Variants in CNTN5 observed in about 807,000 individuals in gnomAD.
CNTN5 encodes contactin-5.
CNTN5 carries 77 observed loss-of-function variants against 129.1 expected under a neutral mutation model. The ratio of observed to expected loss-of-function variants is 0.60; its 90% CI spans 0.50 to 0.72. CNTN5 has a LOEUF of 0.72. Ranked by LOEUF, CNTN5 falls within the 30% of genes least tolerant of loss-of-function variation. The probability of loss-of-function intolerance (pLI) is 0.00; values close to 1 mark genes in which losing one functional copy is unlikely to be tolerated. For missense variants in CNTN5, 1,478 were observed against 1,328.8 expected (o/e 1.11, Z -1.75); for synonymous variants, 509 against 465.6 (o/e 1.09, Z -1.20).
At chr11:100,173,502 A>G (rs1169595751) in intron 13 of CNTN5, among the ~76,000 whole-genome samples, 1 of 152,146 alleles carries the variant, frequency 6.6e-6, no homozygotes, top group African/African-American at 2.4e-5. Context: ...GTGGCAGGAA[A>G]GAAACCTACA....
At chr11:100,325,661 G>A (rs1951775026) in intron 21 of CNTN5, among the ~76,000 whole-genome samples, 1 of 152,098 alleles carries the variant, frequency 6.6e-6, no homozygotes, top group Admixed American at 6.5e-5. Context: ...GATTTCTTTG[G>A]GTTGTTTGAA....
At chr11:99,819,433 T>G (rs1946712742) in intron 3 of CNTN5, 111 bp from the exon 4 acceptor site, 1 of 844,996 alleles carries the variant, frequency 1.2e-6, no homozygotes, top group Non-Finnish European at 1.9e-6. Flanking sequence ...TGAATTTGCT[T>G]GCAGCTCCAA....
rs145379778 is a variant in CNTN5, at chr11:100,296,598, C to A, written c.2315-1027C>A. Among the ~76,000 whole-genome samples, 56 of 151,670 alleles carry A rather than the reference C, an allele frequency of 3.7e-4. 1 individual carries two copies. In the East Asian group the frequency reaches 0.01, roughly 28 times the overall value. On this transcript the variant is annotated intron_variant, in intron 18 of 24. Transcript: ENST00000524871. ...AACGATACTGAAACGTAGACCCTGA[C>A]AAAGGAAGGTTATTTATTTCAATGG...
intron 18 of CNTN5, among the ~76,000 whole-genome samples, chr11:100,281,458 C>A (rs1177115956): frequency 6.6e-6 from 1 of 152,116 alleles, no homozygotes; most frequent in Non-Finnish European, 1.5e-5. Flanking sequence ...TGCTGCCAGA[C>A]ATATTGGAGC....
At chr11:100,035,715 T>C (rs1418155138) in intron 9 of CNTN5, among the ~76,000 whole-genome samples, 3 of 150,098 alleles carry the variant, frequency 2.0e-5, no homozygotes, top group South Asian at 2.1e-4. Flanking sequence ...ATTTCTCTGA[T>C]GGCCAGTGAT....
intron 1 of CNTN5, among the ~76,000 whole-genome samples, chr11:99,046,115 G>A (rs1864195602): frequency 6.6e-6 from 1 of 152,126 alleles, no homozygotes; most frequent in Admixed American, 6.5e-5. Flanking sequence ...AAGGTGGGTG[G>A]ATTGCTTGGG....
intron 3 of CNTN5, among the ~76,000 whole-genome samples, chr11:99,774,066 T>C (rs1008718454): frequency 1.3e-5 from 2 of 152,028 alleles, no homozygotes; most frequent in African/African-American, 4.8e-5. Context: ...GATCACCAAT[T>C]TTAATCTCCT....
chr11:100,281,541 T>C (rs889609158), intron 18 of CNTN5, among the ~76,000 whole-genome samples: 3 of 152,170 alleles, frequency 2.0e-5, no homozygotes, highest in Non-Finnish European at 4.4e-5. Context: ...CTTTGGAAGT[T>C]TGATTATTAA....
intron 2 of CNTN5, among the ~76,000 whole-genome samples, chr11:99,356,537 CTTTTG>C (rs1938683893): frequency 6.6e-6 from 1 of 152,128 alleles, no homozygotes; most frequent in Non-Finnish European, 1.5e-5. Context: ...TCAACAAACA[CTTTTG>C]AACACCTACG....
At chr11:99,938,257 C>T (rs900993440) in intron 7 of CNTN5, among the ~76,000 whole-genome samples, 12 of 152,072 alleles carry the variant, frequency 7.9e-5, no homozygotes, top group African/African-American at 2.9e-4. Flanking sequence ...ATAAACCATA[C>T]CCATGTCTTG....
At chr11:99,806,588 C>G (rs893968000) in intron 3 of CNTN5, among the ~76,000 whole-genome samples, 1 of 152,094 alleles carries the variant, frequency 6.6e-6, no homozygotes, top group East Asian at 1.9e-4. Context: ...GTGGGCAGAT[C>G]ATGAGGTCAG....
chr11:99,352,488 A>G (rs1938365527), intron 2 of CNTN5, among the ~76,000 whole-genome samples: 3 of 152,182 alleles, frequency 2.0e-5, no homozygotes, highest in African/African-American at 7.2e-5. Flanking sequence ...TTTAATCATG[A>G]TGAGTCAAAC....
chr11:99,190,860 C>A (rs1340244804), intron 1 of CNTN5, among the ~76,000 whole-genome samples: 1 of 151,518 alleles, frequency 6.6e-6, no homozygotes, highest in Non-Finnish European at 1.5e-5. Context: ...ACTCCTCAAG[C>A]TAGAACATCT....
intron 3 of CNTN5, among the ~76,000 whole-genome samples, chr11:99,795,644 C>T (rs1319874653): frequency 2.8e-5 from 4 of 144,922 alleles, no homozygotes; most frequent in Non-Finnish European, 6.0e-5. Flanking sequence ...GACATTGTTA[C>T]CCTTTGGATC....
chr11:100,019,763 T>C (rs187027638), intron 9 of CNTN5, among the ~76,000 whole-genome samples: 1 of 152,102 alleles, frequency 6.6e-6, no homozygotes, highest in African/African-American at 2.4e-5. Flanking sequence ...GAAATCTTTA[T>C]AATCTTTTCC....
At chr11:99,121,984 T>C (rs1300474712) in intron 1 of CNTN5, among the ~76,000 whole-genome samples, 1 of 151,772 alleles carries the variant, frequency 6.6e-6, no homozygotes, top group Non-Finnish European at 1.5e-5. Context: ...CTTTTACATA[T>C]ATATATATTT....
chr11:100,002,158 AT>A lies in CNTN5; in HGVS notation c.980+24del, dbSNP rs1188806295. ...GCAAGTAAGTACATGTTCTTCCATA[AT>A]TAAACACAATTTTTTATTAAAATGT... is the stretch of plus-strand genomic sequence containing the variant. On this transcript the variant is annotated intron_variant, in intron 9 of 24. Transcript: ENST00000524871. The A allele has an allele frequency of 6.5e-6, 9 of 1,380,490 alleles. No homozygotes were observed. The African/African-American group carries it at 1.4e-4, about 21-fold the overall frequency. 85.5% of individuals were successfully genotyped at this position (1,380,490 alleles called of 1,614,324 possible).
chr11:100,116,352 A>T (rs1181203963), intron 13 of CNTN5, among the ~76,000 whole-genome samples: 1 of 152,048 alleles, frequency 6.6e-6, no homozygotes, highest in Non-Finnish European at 1.5e-5. Context: ...CTTCATATTG[A>T]TGTTATGTAA....
intron 21 of CNTN5, among the ~76,000 whole-genome samples, chr11:100,325,766 G>A (rs1339076104): frequency 8.5e-5 from 13 of 152,194 alleles, no homozygotes; most frequent in Non-Finnish European, 1.3e-4. Flanking sequence ...AGAAATGGAT[G>A]TCTCACCATT....
Sources: gnomAD v4.1 joint callset for allele counts (sites outside exome capture counted in the v4.1 genomes callset) on GRCh38, gnomAD v4.1.1 for gene constraint, MANE v1.5 for transcripts, NCBI Gene and HGNC (gene_info 2026-07-23, HGNC 2026-07-21) for gene names.